The following PTPRM variants were observed in gnomAD, a reference collection of about 807,000 sequenced individuals.
The protein encoded by PTPRM is receptor-type tyrosine-protein phosphatase mu.
In PTPRM, 47 loss-of-function variants were observed where a neutral mutation model predicts 186.7. The ratio of observed to expected loss-of-function variants is 0.25; its 90% CI spans 0.20 to 0.32. The LOEUF (loss-of-function observed/expected upper bound fraction) is 0.32. Ranked by LOEUF, PTPRM falls within the 10% of genes least tolerant of loss-of-function variation. The probability of loss-of-function intolerance (pLI) is 1.00; values close to 1 mark genes in which losing one functional copy is unlikely to be tolerated. For missense variants in PTPRM, 1,494 were observed against 1,865.0 expected (o/e 0.80, Z 3.66); for synonymous variants, 668 against 674.9 (o/e 0.99, Z 0.16).
chr18:8,112,774 AG>A (rs1312665559), intron 11 of PTPRM, among the ~76,000 whole-genome samples: 1 of 152,182 alleles, frequency 6.6e-6, no homozygotes, highest in African/African-American at 2.4e-5. Flanking sequence ...CCTACTCCTT[AG>A]TGGGGCTGTC....
rs560977079 is a variant in PTPRM, at chr18:8,236,666, C to T, written c.2301-7392C>T. On this transcript the variant is annotated intron_variant, in intron 14 of 32. Coordinates refer to ENST00000580170, the MANE Select transcript of PTPRM (RefSeq NM_001105244.2). ...AAGCAATCCTCCCAGCTCAGCCTCC[C>T]GAGTATTTGTGACTATGGGTGTGTG... 9.9e-5 allele frequency among the ~76,000 whole-genome samples: 15 copies of T among 152,074 alleles called. No individual in the cohort carries two copies. The East Asian group carries it at 2.3e-3, about 24-fold the overall frequency.
intron 1 of PTPRM, among the ~76,000 whole-genome samples, chr18:7,688,876 G>A (rs892761887): frequency 1.3e-5 from 2 of 152,154 alleles, no homozygotes; most frequent in Non-Finnish European, 2.9e-5. Flanking sequence ...GCTCCTGGTG[G>A]CTTGGGTGGC....
At chr18:7,625,137 C>G (rs1347190831) in intron 1 of PTPRM, among the ~76,000 whole-genome samples, 1 of 152,112 alleles carries the variant, frequency 6.6e-6, no homozygotes, top group Non-Finnish European at 1.5e-5. Context: ...TAAAATCTTT[C>G]ATGAAAAAAG....
chr18:7,944,117 T>G (rs1160424535), intron 5 of PTPRM, among the ~76,000 whole-genome samples: 1 of 152,206 alleles, frequency 6.6e-6, no homozygotes, highest in Admixed American at 6.5e-5. Context: ...ACCTCATTTT[T>G]CTCTTCTACC....
intron 31 of PTPRM, among the ~76,000 whole-genome samples, chr18:8,391,180 T>G (rs1568894529): frequency 1.3e-5 from 2 of 152,162 alleles, no homozygotes; most frequent in African/African-American, 4.8e-5. Context: ...AAGTAAATAC[T>G]GTACAACCAT....
At chr18:7,946,863 T>C (rs927640171) in intron 5 of PTPRM, 51 of 451,226 alleles carry the variant, frequency 1.1e-4, no homozygotes, top group South Asian at 8.0e-4. Flanking sequence ...GCAGCACTCC[T>C]GTCTGCTTTC....
intron 1 of PTPRM, among the ~76,000 whole-genome samples, chr18:7,729,466 A>G (rs1202271542): frequency 6.6e-6 from 1 of 151,946 alleles, no homozygotes; most frequent in Non-Finnish European, 1.5e-5. Context: ...GGCTCTTTTA[A>G]TTTTCTGCTA....
chr18:7,695,201 T>C (rs905331910), intron 1 of PTPRM, among the ~76,000 whole-genome samples: 2 of 152,340 alleles, frequency 1.3e-5, no homozygotes, highest in South Asian at 2.1e-4. Flanking sequence ...AAATCACTTA[T>C]CAAGCAAACC....
At chr18:7,851,753 G>A (rs140155381) in intron 2 of PTPRM, among the ~76,000 whole-genome samples, 45 of 152,236 alleles carry the variant, frequency 3.0e-4, no homozygotes, top group African/African-American at 1.0e-3. Context: ...GATCGTGCAG[G>A]GAATAAGGAG....
At chr18:7,825,884 A>G (rs1046495608) in intron 2 of PTPRM, among the ~76,000 whole-genome samples, 6 of 152,228 alleles carry the variant, frequency 3.9e-5, no homozygotes, top group Non-Finnish European at 8.8e-5. Flanking sequence ...CGAATGGGAC[A>G]TAGTTGGTGT....
chr18:7,751,988 G>GTGGGC (rs2041240896), intron 1 of PTPRM, among the ~76,000 whole-genome samples: 1 of 152,202 alleles, frequency 6.6e-6, no homozygotes, highest in South Asian at 2.1e-4. Context: ...TTTGGTTAGG[G>GTGGGC]TGGGCTGGGC....
chr18:8,009,562 G>A (rs1366015579), intron 7 of PTPRM, among the ~76,000 whole-genome samples: 1 of 152,072 alleles, frequency 6.6e-6, no homozygotes, highest in Non-Finnish European at 1.5e-5. Context: ...ACAAAAATTA[G>A]CCAGGCATGG....
chr18:8,298,694 G>A (rs747763070), intron 20 of PTPRM, among the ~76,000 whole-genome samples: 19 of 152,198 alleles, frequency 1.2e-4, no homozygotes, highest in Admixed American at 5.9e-4. Flanking sequence ...TATTTTACAG[G>A]TGAGGCAATT....
At chr18:8,117,597 A>G (rs2092004285) in intron 13 of PTPRM, among the ~76,000 whole-genome samples, 1 of 152,340 alleles carries the variant, frequency 6.6e-6, no homozygotes, top group East Asian at 1.9e-4. Context: ...AAAGTTAGAC[A>G]GGAAAAAACC....
At chr18:8,376,438 T>G in intron 25 of PTPRM, 24 bp from the exon 26 acceptor site, 1 of 1,614,132 alleles carries the variant, frequency 6.2e-7, no homozygotes, top group Non-Finnish European at 8.5e-7. Flanking sequence ...CTTCCTCCAC[T>G]GACAGACCCC....
chr18:8,333,773 G>A (rs948536054), intron 22 of PTPRM, among the ~76,000 whole-genome samples: 1 of 152,128 alleles, frequency 6.6e-6, no homozygotes, highest in African/African-American at 2.4e-5. Flanking sequence ...CCCAAAGGAG[G>A]GAGCCCAGGT....
At chr18:7,653,865 T>C (rs111642792) in intron 1 of PTPRM, among the ~76,000 whole-genome samples, 56 of 152,354 alleles carry the variant, frequency 3.7e-4, no homozygotes, top group Admixed American at 6.5e-4. Flanking sequence ...ATGGGATTTC[T>C]GTTTTTAGGT....
intron 7 of PTPRM, among the ~76,000 whole-genome samples, chr18:8,055,908 G>A (rs535638628): frequency 2.6e-5 from 4 of 152,166 alleles, no homozygotes; most frequent in East Asian, 3.9e-4. Flanking sequence ...TTTGGATGCC[G>A]GTGCTGATAT....
At chr18:8,047,531 C>T (rs1333419606) in intron 7 of PTPRM, among the ~76,000 whole-genome samples, 1 of 152,106 alleles carries the variant, frequency 6.6e-6, no homozygotes, top group African/African-American at 2.4e-5. Flanking sequence ...ACACAATGCA[C>T]TTTCTCTAGG....
Sources: gnomAD v4.1 joint callset for allele counts (sites outside exome capture counted in the v4.1 genomes callset) on GRCh38, gnomAD v4.1.1 for gene constraint, MANE v1.5 for transcripts, NCBI Gene and HGNC (gene_info 2026-07-23, HGNC 2026-07-21) for gene names.